VPS13C: variants seen among roughly 807,000 people sequenced by gnomAD.
VPS13C encodes the protein vacuolar protein sorting 13 homolog C, also known as intermembrane lipid transfer protein VPS13C.
VPS13C carries 358 observed loss-of-function variants against 456.8 expected under a neutral mutation model. That is an observed-to-expected ratio of 0.78 (90% CI 0.72 to 0.86). The LOEUF is 0.86. Among genes scored for constraint, VPS13C ranks in the 40% least tolerant of loss-of-function variants. The probability of loss-of-function intolerance (pLI) is 0.00; values close to 1 mark genes in which losing one functional copy is unlikely to be tolerated. For missense variants in VPS13C, 4,818 were observed against 4,385.4 expected (o/e 1.10, Z -2.79); for synonymous variants, 1,578 against 1,486.7 (o/e 1.06, Z -1.41).
intron 9 of VPS13C, among the ~76,000 whole-genome samples, chr15:62,015,818 G>A (rs2047221315): frequency 7.2e-6 from 1 of 139,676 alleles, no homozygotes; most frequent in Non-Finnish European, 1.6e-5. Flanking sequence ...AGCATTGGGA[G>A]ATATACCTAA....
Position 61,911,867 on chromosome 15 carries a change from A to G in VPS13C, c.8688T>C (p.Asn2896=), listed in dbSNP as rs758181826. 6.8e-6 allele frequency: 11 copies of G among 1,611,288 alleles called. No individual in the cohort carries two copies. In the South Asian group the frequency reaches 7.7e-5, roughly 11 times the overall value. Residue 2896 remains asparagine (N), a synonymous_variant, in exon 63 of 85, where the codon AAT becomes AAC. Transcript: ENST00000644861. ...EIASDGSMPT[N]KWNYIASSEC... Reference sequence around the variant, plus strand: ...CTGAAGAAGCAATATAGTTCCATTTATTAGTTGGCATTGAGCCATCAGATG... The same window carrying G: ...CTGAAGAAGCAATATAGTTCCATTTGTTAGTTGGCATTGAGCCATCAGATG...
At chr15:62,028,480 T>G (rs1024718893) in intron 5 of VPS13C, 60 bp from the exon 6 acceptor site, 1 of 1,514,792 alleles carries the variant, frequency 6.6e-7, no homozygotes, top group Admixed American at 1.7e-5. Context: ...ACCTTTAATT[T>G]CACATGTAAA....
chr15:62,030,273 G>A (rs577083413), intron 5 of VPS13C, among the ~76,000 whole-genome samples: 22 of 152,274 alleles, frequency 1.4e-4, no homozygotes, highest in Non-Finnish European at 1.5e-4. Context: ...AGGAAATATA[G>A]TCATAGTACA....
chr15:61,956,287 G>T (rs1190146906), intron 37 of VPS13C, among the ~76,000 whole-genome samples: 2 of 148,362 alleles, frequency 1.3e-5, no homozygotes, highest in Non-Finnish European at 3.0e-5. Flanking sequence ...AGTACACATG[G>T]ACACAAAGAT....
chr15:61,906,238 TA>T (rs913753226), intron 66 of VPS13C, among the ~76,000 whole-genome samples: 1 of 152,172 alleles, frequency 6.6e-6, no homozygotes, highest in Admixed American at 6.5e-5. Flanking sequence ...GACAAGGACA[TA>T]AACGATTTCC....
At position 61,929,489 on chromosome 15, in the gene VPS13C, A is replaced by C. The variant is rs747735261; in HGVS notation, c.6286+12T>G. 1 of 1,610,300 alleles carries C rather than the reference A, an allele frequency of 6.2e-7. No individual in the cohort carries two copies. The highest frequency in any genetic ancestry group is 1.1e-5 in the South Asian group (1 of 90,770). Reference sequence around the variant, plus strand: ...TACAAGTTGTCATCTATGACAGATAAATTCTGCTAACCTTTCTCTATCTTG... The same window carrying C: ...TACAAGTTGTCATCTATGACAGATACATTCTGCTAACCTTTCTCTATCTTG... On this transcript the variant is annotated intron_variant, in intron 51 of 84. Coordinates refer to ENST00000644861, the MANE Select transcript of VPS13C (RefSeq NM_020821.3).
At chr15:61,912,388 A>G (rs1389215802) in intron 62 of VPS13C, among the ~76,000 whole-genome samples, 1 of 152,214 alleles carries the variant, frequency 6.6e-6, no homozygotes, top group Non-Finnish European at 1.5e-5. Context: ...TTGGCATCAT[A>G]TTATTCAAAT....
At chr15:62,011,907 C>G (rs1051638619) in intron 12 of VPS13C, among the ~76,000 whole-genome samples, 200 bp downstream of exon 12, 15 of 151,972 alleles carry the variant, frequency 9.9e-5, no homozygotes, top group Non-Finnish European at 2.2e-4. Context: ...CTGCCCTTCT[C>G]TCTCTCTTAT....
intron 66 of VPS13C, among the ~76,000 whole-genome samples, chr15:61,892,451 G>A (rs923580360): frequency 6.6e-6 from 1 of 152,144 alleles, no homozygotes; most frequent in Non-Finnish European, 1.5e-5. Context: ...GTGCTGAATA[G>A]GAGGCAGTGA....
intron 27 of VPS13C, 98 bp from the exon 28 acceptor site, chr15:61,969,550 T>A: frequency 1.3e-6 from 1 of 741,258 alleles, no homozygotes; most frequent in Non-Finnish European, 1.9e-6. Flanking sequence ...ACCATGAGAA[T>A]AGTAACTTTG....
chr15:61,883,472 C>T (rs775846728), intron 68 of VPS13C, among the ~76,000 whole-genome samples: 2 of 152,106 alleles, frequency 1.3e-5, no homozygotes, highest in Non-Finnish European at 2.9e-5. Context: ...TAACTGGTGA[C>T]AGTGCTAACC....
At chr15:62,033,256 G>GA (rs1461694522) in intron 5 of VPS13C, among the ~76,000 whole-genome samples, 185 bp downstream of exon 5, 3 of 151,240 alleles carry the variant, frequency 2.0e-5, no homozygotes, top group Non-Finnish European at 4.4e-5. Flanking sequence ...AACACTCACA[G>GA]AAAAAAGGCA....
chr15:61,863,058 T>C (rs1162166497), intron 82 of VPS13C, among the ~76,000 whole-genome samples: 1 of 152,108 alleles, frequency 6.6e-6, no homozygotes. Context: ...AGGGGTATGC[T>C]AATCACTCAA....
chr15:61,970,455 T>C (rs2045511890), intron 27 of VPS13C, among the ~76,000 whole-genome samples: 1 of 152,148 alleles, frequency 6.6e-6, no homozygotes, highest in South Asian at 2.1e-4. Flanking sequence ...AAAAATATTA[T>C]TATTAGCAGA....
At chr15:61,925,169 T>C (rs2043805101) in intron 53 of VPS13C, among the ~76,000 whole-genome samples, 2 of 151,702 alleles carry the variant, frequency 1.3e-5, no homozygotes, top group Non-Finnish European at 2.9e-5. Flanking sequence ...CCCATATCTC[T>C]TCCCTCCTCC....
intron 2 of VPS13C, among the ~76,000 whole-genome samples, chr15:62,041,819 CA>C (rs1317240293): frequency 4.3e-5 from 6 of 139,926 alleles, no homozygotes; most frequent in South Asian, 2.3e-4. Context: ...AACTCTGTCT[CA>C]AAAAAAAAAA....
intron 6 of VPS13C, among the ~76,000 whole-genome samples, chr15:62,027,135 A>T (rs1227459821): frequency 6.6e-6 from 1 of 152,092 alleles, no homozygotes; most frequent in Non-Finnish European, 1.5e-5. Flanking sequence ...CATGAAACAC[A>T]CGTTAAGTCC....
chr15:62,057,461 T>A (rs1489038325), intron 1 of VPS13C, among the ~76,000 whole-genome samples: 4 of 152,138 alleles, frequency 2.6e-5, no homozygotes, highest in African/African-American at 9.7e-5. Context: ...TATTGAGAAA[T>A]TAGGGTTATC....
intron 22 of VPS13C, among the ~76,000 whole-genome samples, chr15:61,979,049 T>C (rs1462525074): frequency 6.6e-6 from 1 of 152,166 alleles, no homozygotes; most frequent in Non-Finnish European, 1.5e-5. Flanking sequence ...TCTCAGGAAT[T>C]ATTGCCACTT....
Sources: gnomAD v4.1 joint callset for allele counts (sites outside exome capture counted in the v4.1 genomes callset) on GRCh38, gnomAD v4.1.1 for gene constraint, MANE v1.5 for transcripts, NCBI Gene and HGNC (gene_info 2026-07-23, HGNC 2026-07-21) for gene names.